The following MBD5 variants were observed in gnomAD, a reference collection of about 807,000 sequenced individuals.
MBD5 encodes the protein methyl-CpG-binding domain protein 5.
Under a neutral mutation model 117.3 loss-of-function variants are expected in MBD5, and 13 were observed. The ratio of observed to expected loss-of-function variants is 0.11; its 90% CI spans 0.07 to 0.18. MBD5 has a LOEUF of 0.18. Among genes scored for constraint, MBD5 ranks in the 10% least tolerant of loss-of-function variants. The probability of loss-of-function intolerance (pLI) is 1.00; values close to 1 mark genes in which losing one functional copy is unlikely to be tolerated. For missense variants in MBD5, 1,879 were observed against 2,093.8 expected (o/e 0.90, Z 2.00); for synonymous variants, 727 against 766.4 (o/e 0.95, Z 0.85).
intron 8 of MBD5, among the ~76,000 whole-genome samples, chr2:148,481,300 A>C (rs1681145357): frequency 6.6e-6 from 1 of 152,188 alleles, no homozygotes; most frequent in Non-Finnish European, 1.5e-5. Flanking sequence ...CAGAAAGGAA[A>C]AATCCTTGTG....
chr2:148,225,891 AC>A (rs138342534), intron 2 of MBD5, among the ~76,000 whole-genome samples: 1 of 152,186 alleles, frequency 6.6e-6, no homozygotes, highest in East Asian at 1.9e-4. Flanking sequence ...TTTATCCTTG[AC>A]CTTTGGGAGT....
At chr2:148,406,388 A>G (rs1705078619) in intron 4 of MBD5, among the ~76,000 whole-genome samples, 1 of 152,194 alleles carries the variant, frequency 6.6e-6, no homozygotes, top group South Asian at 2.1e-4. Flanking sequence ...TTAACTACAG[A>G]GAAGCAGCTT....
chr2:148,388,148 T>G (rs148133472), intron 4 of MBD5, among the ~76,000 whole-genome samples: 2 of 152,180 alleles, frequency 1.3e-5, no homozygotes, highest in African/African-American at 4.8e-5. Context: ...CAAAATACAT[T>G]GTTTTGTGAT....
intron 2 of MBD5, among the ~76,000 whole-genome samples, chr2:148,196,792 T>C (rs763471080): frequency 7.4e-4 from 112 of 152,298 alleles, no homozygotes; most frequent in Non-Finnish European, 1.2e-3. Flanking sequence ...ATTATTTTAT[T>C]GTGTCAGACA....
chr2:148,278,133 A>G (rs10928392), intron 3 of MBD5, among the ~76,000 whole-genome samples: 143,255 of 152,294 alleles, frequency 0.94, 67,956 homozygotes, highest in East Asian at 1. Context: ...TATAAACATA[A>G]TTACACCATA....
At chr2:148,176,039 AT>A (rs1276808547) in intron 1 of MBD5, among the ~76,000 whole-genome samples, 1 of 152,152 alleles carries the variant, frequency 6.6e-6, no homozygotes, top group Non-Finnish European at 1.5e-5. Flanking sequence ...GATGTAGACT[AT>A]TTGTGATTTA....
intron 2 of MBD5, among the ~76,000 whole-genome samples, chr2:148,223,250 A>G (rs147095470): frequency 9.7e-4 from 147 of 152,012 alleles, no homozygotes; most frequent in African/African-American, 1.7e-3. Context: ...GTATTTGTCT[A>G]TTTTTGGTAT....
At chr2:148,284,912 C>T (rs1215320232) in intron 3 of MBD5, among the ~76,000 whole-genome samples, 1 of 152,182 alleles carries the variant, frequency 6.6e-6, no homozygotes, top group Admixed American at 6.5e-5. Context: ...TCTACCCACA[C>T]TGCAATCTCC....
chr2:148,290,155 A>G (rs1483541537), intron 3 of MBD5, among the ~76,000 whole-genome samples: 1 of 147,068 alleles, frequency 6.8e-6, no homozygotes, highest in Non-Finnish European at 1.5e-5. Flanking sequence ...ACAGTGTTTC[A>G]CCACGTTGGC....
chr2:148,289,419 A>G (rs906830044), intron 3 of MBD5, among the ~76,000 whole-genome samples: 53 of 152,304 alleles, frequency 3.5e-4, no homozygotes, highest in African/African-American at 1.3e-3. Context: ...AAATGTCCAG[A>G]AACAGGTATT....
intron 3 of MBD5, among the ~76,000 whole-genome samples, chr2:148,297,846 C>G (rs1431143521): frequency 6.6e-6 from 1 of 152,138 alleles, no homozygotes; most frequent in South Asian, 2.1e-4. Context: ...CAAGAGCACT[C>G]TTGGGCTTGA....
At chr2:148,132,329 TAC>T (rs1697068121) in intron 1 of MBD5, among the ~76,000 whole-genome samples, 5 of 12,838 alleles carry the variant, frequency 3.9e-4, no homozygotes, top group Non-Finnish European at 1.9e-3. Context: ...ATTATATATA[TAC>T]ATATATATAT....
intron 3 of MBD5, among the ~76,000 whole-genome samples, chr2:148,298,329 G>A (rs1701704391): frequency 3.3e-5 from 5 of 152,314 alleles, no homozygotes; most frequent in Admixed American, 1.3e-4. Flanking sequence ...GAGGTGGGGA[G>A]AAGGGCAGCC....
chr2:148,094,089 A>C (rs151171077), intron 1 of MBD5, among the ~76,000 whole-genome samples: 1 of 152,300 alleles, frequency 6.6e-6, no homozygotes, highest in African/African-American at 2.4e-5. Flanking sequence ...AGAGCCTTCC[A>C]TGCCTCTGAC....
In MBD5 at chr2:148,400,665, A is replaced by G. The variant is rs998965834; in HGVS notation, c.-556-57538A>G. Among the ~76,000 whole-genome samples the G allele has an allele frequency of 5.3e-5, 8 of 152,332 alleles. No individual in the cohort carries two copies. The South Asian group carries it at 1.2e-3, about 24-fold the overall frequency. On this transcript the variant is annotated intron_variant, in intron 4 of 13. Transcript: ENST00000642680. ...TCAGAAGAGTTCCCCATTGTAACAT[A>G]AGCTCTGAATATCACTTTCTGAGAG...
At chr2:148,502,317 G>A in intron 11 of MBD5, 119 bp from the exon 12 acceptor site, 1 of 828,108 alleles carries the variant, frequency 1.2e-6, no homozygotes, top group Non-Finnish European at 2.1e-6. Context: ...ACAAGGTAGT[G>A]AAGGTTAAGG....
chr2:148,417,114 T>G (rs1420945457), intron 4 of MBD5, among the ~76,000 whole-genome samples: 1 of 152,074 alleles, frequency 6.6e-6, no homozygotes, highest in Non-Finnish European at 1.5e-5. Flanking sequence ...TGCAGGTATC[T>G]TCTTGACATA....
intron 1 of MBD5, among the ~76,000 whole-genome samples, chr2:148,154,312 G>A (rs1697793120): frequency 6.6e-6 from 1 of 151,998 alleles, no homozygotes; most frequent in South Asian, 2.1e-4. Flanking sequence ...GCTGTGTGCT[G>A]GGAGAACCAC....
rs141143022 is a variant in MBD5, at chr2:148,168,296, T to C, written c.-924-10404T>C. ...ATATTTTTAGGATGAACCTGAACAG[T>C]GAAATCAGCAGTAGTTGTCACTGTT... is the stretch of plus-strand genomic sequence containing the variant. On this transcript the variant is annotated intron_variant, in intron 1 of 13. Transcript: ENST00000642680. Among the ~76,000 whole-genome samples, 16 of 152,300 alleles carry C rather than the reference T, an allele frequency of 1.1e-4. No individual in the cohort carries two copies. In the East Asian group the frequency reaches 3.1e-3, roughly 29 times the overall value.
Sources: gnomAD v4.1 joint callset for allele counts (sites outside exome capture counted in the v4.1 genomes callset) on GRCh38, gnomAD v4.1.1 for gene constraint, MANE v1.5 for transcripts, NCBI Gene and HGNC (gene_info 2026-07-23, HGNC 2026-07-21) for gene names.